Variants in ENPP6 observed in about 807,000 individuals in gnomAD.
ENPP6 encodes ectonucleotide pyrophosphatase/phosphodiesterase 6.
Under a neutral mutation model 42.0 loss-of-function variants are expected in ENPP6, and 32 were observed. The ratio of observed to expected loss-of-function variants is 0.76; its 90% CI spans 0.58 to 1.02. The LOEUF (loss-of-function observed/expected upper bound fraction) is 1.02, where lower values mean the gene tolerates loss of function less well. Ranked by LOEUF, ENPP6 falls within the 50% of genes least tolerant of loss-of-function variation. ENPP6 has a pLI of 0.00. For missense variants in ENPP6, 552 were observed against 566.8 expected (o/e 0.97, Z 0.27); for synonymous variants, 213 against 216.0 (o/e 0.99, Z 0.12).
At chr4:184,214,774 T>C (rs552566448) in intron 1 of ENPP6, among the ~76,000 whole-genome samples, 9 of 152,248 alleles carry the variant, frequency 5.9e-5, no homozygotes, top group Admixed American at 3.3e-4. Flanking sequence ...AAGTGGGAGT[T>C]GAACAATGAG....
At chr4:184,213,449 C>T (rs1428959009) in intron 1 of ENPP6, among the ~76,000 whole-genome samples, 38 of 152,214 alleles carry the variant, frequency 2.5e-4, no homozygotes, top group South Asian at 1.9e-3. Flanking sequence ...AGACACTTCT[C>T]AAAAGAAGAC....
In ENPP6 at chr4:184,101,304, TTGTGTGTGTGTGTGTG is replaced by T. The variant is rs56174532; in HGVS notation, c.994-3952_994-3937del. ...TGTGTTAATGTTTATGTGTGTGAGC[TTGTGTGTGTGTGTGTG>T]TGTGTGTGTGTGTGTGTGTGTGTGT... is the stretch of plus-strand genomic sequence containing the variant. On this transcript the variant is annotated intron_variant, in intron 6 of 7. Coordinates refer to ENST00000296741, the MANE Select transcript of ENPP6 (RefSeq NM_153343.4). 5.1e-3 allele frequency among the ~76,000 whole-genome samples: 703 copies of T among 137,124 alleles called. 5 individuals are homozygous for T. Among genetic ancestry groups the T allele is most frequent in the African/African-American group, 0.011 (397 of 36,486 alleles). The allele number at this position is 137,124 out of a possible 152,430, so 90.0% of individuals were successfully genotyped here. A position where few individuals can be genotyped will look rare whatever the true frequency, so the allele number is the denominator to read the frequency against.
At chr4:184,201,412 G>A (rs752309477) in intron 1 of ENPP6, among the ~76,000 whole-genome samples, 50 of 152,160 alleles carry the variant, frequency 3.3e-4, no homozygotes, top group South Asian at 8.3e-4. Flanking sequence ...AGGGAGGCGG[G>A]GCGGGGGGGT....
At chr4:184,106,552 C>T (rs547702519) in intron 6 of ENPP6, among the ~76,000 whole-genome samples, 27 of 152,196 alleles carry the variant, frequency 1.8e-4, no homozygotes, top group Non-Finnish European at 3.7e-4. Flanking sequence ...CTTCCTCTTC[C>T]CGCCTGACCA....
chr4:184,189,893 A>G (rs1049718603), intron 1 of ENPP6, among the ~76,000 whole-genome samples: 15 of 152,208 alleles, frequency 9.9e-5, no homozygotes, highest in African/African-American at 3.4e-4. Context: ...TGAGCATGAA[A>G]AGGAAGGGAA....
chr4:184,212,793 C>G (rs1366787627), intron 1 of ENPP6, among the ~76,000 whole-genome samples: 2 of 151,894 alleles, frequency 1.3e-5, no homozygotes, highest in Non-Finnish European at 2.9e-5. Context: ...CAATCCTAAG[C>G]CAAAAGAACA....
Position 184,154,418 on chromosome 4 carries a change from C to G in ENPP6, c.242-685G>C, listed in dbSNP as rs561950988. Reference sequence around the variant, plus strand: ...TAGGCTTAAATTATTTATTTTGGAGCAATCTGTTACATCTTTAAAGTAAAA... The same window carrying G: ...TAGGCTTAAATTATTTATTTTGGAGGAATCTGTTACATCTTTAAAGTAAAA... On this transcript the variant is annotated intron_variant, in intron 1 of 7. Transcript: ENST00000296741. Among the ~76,000 whole-genome samples the G allele has an allele frequency of 7.2e-5, 11 of 152,242 alleles. No individual in the cohort carries two copies. The South Asian group carries it at 1.9e-3, about 26-fold the overall frequency.
chr4:184,183,688 C>A (rs553344973), intron 1 of ENPP6, among the ~76,000 whole-genome samples: 1 of 152,312 alleles, frequency 6.6e-6, no homozygotes, highest in South Asian at 2.1e-4. Context: ...CATATATGAA[C>A]TAAAGTTTTT....
intron 1 of ENPP6, among the ~76,000 whole-genome samples, chr4:184,193,828 C>A (rs79525968): frequency 6.6e-6 from 1 of 152,188 alleles, no homozygotes; most frequent in African/African-American, 2.4e-5. Flanking sequence ...TTCCAGCTCC[C>A]TAGGGGTTTT....
At chr4:184,156,241 G>T (rs1394426489) in intron 1 of ENPP6, among the ~76,000 whole-genome samples, 6 of 152,192 alleles carry the variant, frequency 3.9e-5, no homozygotes, top group African/African-American at 1.4e-4. Context: ...CCGGAAGCTG[G>T]CAGGAGGAGG....
intron 3 of ENPP6, among the ~76,000 whole-genome samples, chr4:184,123,293 T>C (rs1444203736): frequency 1.3e-5 from 2 of 152,142 alleles, no homozygotes; most frequent in Non-Finnish European, 2.9e-5. Flanking sequence ...GCTAGTGCTC[T>C]GTACACTGTG....
intron 6 of ENPP6, among the ~76,000 whole-genome samples, chr4:184,099,790 T>C (rs1486159813): frequency 6.6e-6 from 1 of 152,256 alleles, no homozygotes; most frequent in African/African-American, 2.4e-5. Flanking sequence ...TTTTCTTCCT[T>C]ATCTGTCCAT....
chr4:184,129,351 A>G (rs1736558205), intron 2 of ENPP6, among the ~76,000 whole-genome samples: 1 of 152,058 alleles, frequency 6.6e-6, no homozygotes, highest in African/African-American at 2.4e-5. Flanking sequence ...TCACCAAATT[A>G]TAGGCAATGT....
In ENPP6 at chr4:184,089,116, C is replaced by A. The variant is rs1296676793; in HGVS notation, c.*2061G>T. 3 of 152,184 alleles carry A rather than the reference C, an allele frequency of 2.0e-5. No homozygotes were observed. The highest frequency in any genetic ancestry group is 3.8e-4 in the East Asian group (2 of 5,196). The allele number at this position is 152,184 out of a possible 1,614,324, so 9.4% of individuals were successfully genotyped here. On this transcript the variant is annotated 3_prime_UTR_variant, in exon 8 of 8. Coordinates refer to ENST00000296741, the MANE Select transcript of ENPP6 (RefSeq NM_153343.4). Reference sequence around the variant, plus strand: ...TAGACGTCTTTTTCAACAACTACTGCCAATGTTTTGAAAGTTGTCATTTGT... The same window carrying A: ...TAGACGTCTTTTTCAACAACTACTGACAATGTTTTGAAAGTTGTCATTTGT...
intron 2 of ENPP6, among the ~76,000 whole-genome samples, chr4:184,147,925 C>T (rs1736956323): frequency 6.6e-6 from 1 of 152,206 alleles, no homozygotes; most frequent in Non-Finnish European, 1.5e-5. Flanking sequence ...ATGCTTCCCA[C>T]CCCATCCAGG....
At chr4:184,198,041 G>A (rs1043056808) in intron 1 of ENPP6, among the ~76,000 whole-genome samples, 1 of 152,246 alleles carries the variant, frequency 6.6e-6, no homozygotes, top group African/African-American at 2.4e-5. Flanking sequence ...AGAGGACTTA[G>A]AGGCCCATGG....
At chr4:184,095,072 G>A (rs986352348) in intron 7 of ENPP6, among the ~76,000 whole-genome samples, 1 of 152,234 alleles carries the variant, frequency 6.6e-6, no homozygotes, top group African/African-American at 2.4e-5. Flanking sequence ...CAGCCAGTGT[G>A]TAAAGCTGTT....
At chr4:184,166,990 TCTC>T (rs1309658656) in intron 1 of ENPP6, among the ~76,000 whole-genome samples, 3 of 152,274 alleles carry the variant, frequency 2.0e-5, no homozygotes, top group African/African-American at 7.2e-5. Flanking sequence ...GGACAGAAAT[TCTC>T]CTCATGCCAT....
chr4:184,185,080 G>A (rs1732609290), intron 1 of ENPP6, among the ~76,000 whole-genome samples: 1 of 152,162 alleles, frequency 6.6e-6, no homozygotes. Flanking sequence ...TGAATCCTGA[G>A]ATAAGTAAAT....
Sources: gnomAD v4.1 joint callset for allele counts (sites outside exome capture counted in the v4.1 genomes callset) on GRCh38, gnomAD v4.1.1 for gene constraint, MANE v1.5 for transcripts, NCBI Gene and HGNC (gene_info 2026-07-23, HGNC 2026-07-21) for gene names.